MAGI1: variants seen among roughly 807,000 people sequenced by gnomAD.
MAGI1 encodes the protein membrane-associated guanylate kinase, WW and PDZ domain-containing protein 1.
MAGI1 carries 58 observed loss-of-function variants against 139.9 expected under a neutral mutation model. The observed-to-expected ratio is 0.41, with a 90% CI of 0.34 to 0.52. The LOEUF is 0.52. Among genes scored for constraint, MAGI1 ranks in the 20% least tolerant of loss-of-function variants. The pLI, the probability that MAGI1 is intolerant of heterozygous loss-of-function variation, is 0.12. For missense variants in MAGI1, 1,874 were observed against 1,901.6 expected (o/e 0.99, Z 0.27); for synonymous variants, 812 against 737.9 (o/e 1.10, Z -1.63).
intron 2 of MAGI1, among the ~76,000 whole-genome samples, chr3:65,613,844 A>C (rs1359132001): frequency 3.3e-5 from 5 of 152,034 alleles, no homozygotes; most frequent in Non-Finnish European, 1.5e-5. Context: ...TTGTTTAAAG[A>C]AAAAAAAGAA....
chr3:65,415,018 AAC>A (rs1299456524), intron 12 of MAGI1, among the ~76,000 whole-genome samples: 27 of 66,898 alleles, frequency 4.0e-4, no homozygotes, highest in African/African-American at 9.5e-4. Flanking sequence ...AAAAAAAAAA[AAC>A]AAAAAAAAAA....
chr3:65,412,103 C>T (rs1945841548), intron 12 of MAGI1, among the ~76,000 whole-genome samples: 1 of 152,202 alleles, frequency 6.6e-6, no homozygotes, highest in Non-Finnish European at 1.5e-5. Flanking sequence ...ACTCTTTGTT[C>T]AGTGTCCCAC....
chr3:65,815,209 C>A (rs1240828759), intron 1 of MAGI1, among the ~76,000 whole-genome samples: 3 of 152,204 alleles, frequency 2.0e-5, no homozygotes, highest in African/African-American at 7.2e-5. Context: ...AAAAGTCTGA[C>A]AATTCTGGGG....
At position 65,945,970 on chromosome 3, in the gene MAGI1, A is replaced by T. The variant is rs139725313; in HGVS notation, c.313+92026T>A. 2.0e-4 allele frequency among the ~76,000 whole-genome samples: 31 copies of T among 152,354 alleles called. 1 individual carries two copies. The highest frequency in any genetic ancestry group is 7.5e-4 in the African/African-American group (31 of 41,586). On this transcript the variant is annotated intron_variant, in intron 1 of 22. Coordinates refer to ENST00000402939, the MANE Select transcript of MAGI1 (RefSeq NM_001033057.2). ...TTCTTTTAAAAATCTTTAGTATTAAAATAGTATTTATTAAATAAATTCCCT... is the reference window on the plus strand; with the variant it reads ...TTCTTTTAAAAATCTTTAGTATTAATATAGTATTTATTAAATAAATTCCCT...
chr3:65,381,141 A>G (rs1943020163), intron 16 of MAGI1, among the ~76,000 whole-genome samples: 2 of 152,168 alleles, frequency 1.3e-5, no homozygotes, highest in African/African-American at 4.8e-5. Context: ...GTTCAACGTG[A>G]GCTTTCAAGG....
chr3:65,648,655 G>T (rs147605003), intron 1 of MAGI1, among the ~76,000 whole-genome samples: 2 of 152,208 alleles, frequency 1.3e-5, no homozygotes, highest in African/African-American at 4.8e-5. Flanking sequence ...AAACTGCTAG[G>T]TTTAACGTAA....
chr3:65,477,375 A>G (rs1235487744), intron 4 of MAGI1, among the ~76,000 whole-genome samples: 3 of 152,190 alleles, frequency 2.0e-5, no homozygotes, highest in Non-Finnish European at 4.4e-5. Flanking sequence ...CTCCACCTTC[A>G]TTGGAGCTGA....
In MAGI1 at chr3:65,934,366, G is replaced by C. The variant is rs60504512; in HGVS notation, c.313+103630C>G. Among the ~76,000 whole-genome samples, 800 of 151,714 alleles carry C rather than the reference G, an allele frequency of 5.3e-3. 9 individuals are homozygous for C. The highest frequency in any genetic ancestry group is 0.018 in the African/African-American group (752 of 41,364). ...CCTGTCTCAGCCTCCCAAAATGGTA[G>C]GATTATAGGCATGATTCTAAATACA... On this transcript the variant is annotated intron_variant, in intron 1 of 22. Transcript: ENST00000402939.
chr3:65,457,409 T>C (rs1025527056), intron 5 of MAGI1, among the ~76,000 whole-genome samples: 1 of 152,108 alleles, frequency 6.6e-6, no homozygotes, highest in Non-Finnish European at 1.5e-5. Context: ...TCATTTCTAG[T>C]TTTTGGCTAT....
At chr3:65,800,085 C>T (rs2040418888) in intron 1 of MAGI1, among the ~76,000 whole-genome samples, 1 of 152,190 alleles carries the variant, frequency 6.6e-6, no homozygotes, top group Non-Finnish European at 1.5e-5. Flanking sequence ...ACTTTCCTCC[C>T]AAGTTTCAGT....
chr3:65,945,495 T>A (rs930630727), intron 1 of MAGI1, among the ~76,000 whole-genome samples: 3 of 151,688 alleles, frequency 2.0e-5, no homozygotes, highest in Non-Finnish European at 4.4e-5. Context: ...ATTTGAGTCC[T>A]TGTGGACCAA....
At chr3:65,999,480 G>A (rs1309639576) in intron 1 of MAGI1, among the ~76,000 whole-genome samples, 1 of 152,046 alleles carries the variant, frequency 6.6e-6, no homozygotes, top group Non-Finnish European at 1.5e-5. Context: ...CCTCAAGTGT[G>A]AGGGGAAAAA....
Position 65,356,714 on chromosome 3 carries a change from C to G in MAGI1, c.4053G>C (p.Pro1351=). 6.3e-7 allele frequency: 1 copy of G among 1,593,290 alleles called. No individual in the cohort carries two copies. Among genetic ancestry groups the G allele is most frequent in the Non-Finnish European group, 8.5e-7 (1 of 1,170,574 alleles). The change falls in exon 23 of 23, where the codon CCG becomes CCC. Residue 1351 remains proline (P), a synonymous_variant. Coordinates refer to ENST00000402939, the MANE Select transcript of MAGI1 (RefSeq NM_001033057.2). ...EKHEKRRDVS[P]ERRRERSPTR... is the part of the protein sequence containing the mutation. ...TGGGTGACCGCTCTCGCCTCCGCTC[C>G]GGAGAGACGTCTCGTCTCTTCTCGT... is the stretch of plus-strand genomic sequence containing the variant.
At chr3:65,674,999 T>C (rs749234051) in intron 1 of MAGI1, among the ~76,000 whole-genome samples, 2 of 152,056 alleles carry the variant, frequency 1.3e-5, no homozygotes, top group Non-Finnish European at 2.9e-5. Context: ...ATTCCAGAGC[T>C]GCACTTTCCA....
intron 1 of MAGI1, among the ~76,000 whole-genome samples, chr3:65,808,757 C>T (rs1255435549): frequency 2.6e-5 from 4 of 152,126 alleles, no homozygotes; most frequent in Admixed American, 2.0e-4. Context: ...GCTCTTCCGT[C>T]ACTCAAGAGG....
chr3:65,838,277 A>G (rs767210205), intron 1 of MAGI1, among the ~76,000 whole-genome samples: 1 of 152,180 alleles, frequency 6.6e-6, no homozygotes, highest in Non-Finnish European at 1.5e-5. Context: ...CCGCCACTGC[A>G]GTCCAGCCTG....
chr3:65,895,253 G>A (rs961790813), intron 1 of MAGI1, among the ~76,000 whole-genome samples: 1 of 152,146 alleles, frequency 6.6e-6, no homozygotes, highest in African/African-American at 2.4e-5. Context: ...TTGTTCCCTA[G>A]ACGGGTTCAC....
At position 65,694,080 on chromosome 3, in the gene MAGI1, T is replaced by C. The variant is rs967123450; in HGVS notation, c.314-71992A>G. ...AGTAAAATATACAGACAGGTTATTT[T>C]TTAATCAGCAGAAAATCAATAAAGA... On this transcript the variant is annotated intron_variant, in intron 1 of 22. Transcript: ENST00000402939. 2.0e-5 allele frequency among the ~76,000 whole-genome samples: 3 copies of C among 152,204 alleles called. No individual in the cohort carries two copies. In the East Asian group the frequency reaches 5.8e-4, roughly 29 times the overall value.
At chr3:65,890,533 C>T (rs1012497417) in intron 1 of MAGI1, among the ~76,000 whole-genome samples, 9 of 152,166 alleles carry the variant, frequency 5.9e-5, no homozygotes, top group Non-Finnish European at 1.3e-4. Context: ...CTGAACAAGG[C>T]CCAGCACAGA....
Sources: allele counts gnomAD v4.1 joint callset (sites outside exome capture counted in the v4.1 genomes callset), GRCh38; gene constraint gnomAD v4.1.1; transcripts MANE v1.5; gene names NCBI Gene and HGNC (gene_info 2026-07-23, HGNC 2026-07-21).